Variants in CEP350 observed in about 807,000 individuals in gnomAD.
CEP350 encodes centrosome-associated protein 350.
CEP350 carries 126 observed loss-of-function variants against 331.8 expected under a neutral mutation model. That is an observed-to-expected ratio of 0.38 (90% CI 0.33 to 0.44). The LOEUF (loss-of-function observed/expected upper bound fraction) is 0.44. Ranked by LOEUF, CEP350 falls within the 20% of genes least tolerant of loss-of-function variation. The probability of loss-of-function intolerance (pLI) is 1.00; values close to 1 mark genes in which losing one functional copy is unlikely to be tolerated. For missense variants in CEP350, 3,406 were observed against 3,634.6 expected (o/e 0.94, Z 1.62); for synonymous variants, 1,200 against 1,259.5 (o/e 0.95, Z 1.00).
intron 37 of CEP350, among the ~76,000 whole-genome samples, chr1:180,101,591 C>T (rs1371222612): frequency 1.3e-5 from 2 of 152,080 alleles, no homozygotes; most frequent in Admixed American, 6.6e-5. Context: ...GCTGGGTATC[C>T]TCTGAATCAG....
chr1:180,056,465 T>TC (rs58710356), intron 25 of CEP350, among the ~76,000 whole-genome samples: 2,169 of 34,160 alleles, frequency 0.063, 84 homozygotes, highest in African/African-American at 0.13. Context: ...CTTCTGCCCC[T>TC]CCCCCCCCCC....
At chr1:179,978,300 A>G (rs137939279) in intron 1 of CEP350, among the ~76,000 whole-genome samples, 263 of 152,354 alleles carry the variant, frequency 1.7e-3, no homozygotes, top group South Asian at 3.7e-3. Flanking sequence ...TCATGGGGCA[A>G]TAGTGATGTT....
At chr1:180,073,789 C>T in intron 27 of CEP350, 1 of 1,303,956 alleles carries the variant, frequency 7.7e-7, no homozygotes, top group Non-Finnish European at 1.0e-6. Context: ...TTTGTAGACA[C>T]TGCTCTCCTG....
intron 30 of CEP350, among the ~76,000 whole-genome samples, chr1:180,083,344 A>T (rs768440160): frequency 2.0e-5 from 3 of 152,226 alleles, no homozygotes; most frequent in African/African-American, 4.8e-5. Flanking sequence ...ATGACACATT[A>T]TAATGAAATA....
chr1:180,017,937 C>T (rs901745925), intron 11 of CEP350, among the ~76,000 whole-genome samples: 1 of 152,132 alleles, frequency 6.6e-6, no homozygotes, highest in African/African-American at 2.4e-5. Context: ...TTTGTGATGT[C>T]TTATTTTAGC....
rs550091172 is a variant in CEP350, at chr1:180,114,098, C to T, written c.*2937C>T. On this transcript the variant is annotated 3_prime_UTR_variant, in exon 38 of 38. Transcript: ENST00000367607. The stretch of plus-strand genomic sequence containing the variant: ...GAAAAGAAAATTCCTTCTGTGACTA[C>T]AGGTCTCTGAGAAATTATCTTTCAA... The T allele has an allele frequency of 3.3e-5, 5 of 152,634 alleles. No homozygotes were observed. Among genetic ancestry groups the T allele is most frequent in the South Asian group, 4.2e-4 (2 of 4,816 alleles). 9.5% of individuals were successfully genotyped at this position (152,634 alleles called of 1,614,324 possible). A position where few individuals can be genotyped will look rare whatever the true frequency, so the allele number is the denominator to read the frequency against.
In CEP350 at chr1:180,074,983, G is replaced by A; in HGVS notation, c.5568-39G>A. ...CTCTCAAAGTGATCTCTGCATATAG[G>A]TTTTTTCTCTCAAACTGTTCTTCAT... On this transcript the variant is annotated intron_variant, in intron 27 of 37. Transcript: ENST00000367607. 2 of 1,549,584 alleles carry A rather than the reference G, an allele frequency of 1.3e-6. 1 individual carries two copies. The highest frequency in any genetic ancestry group is 2.4e-5 in the South Asian group (2 of 81,840).
intron 30 of CEP350, among the ~76,000 whole-genome samples, chr1:180,081,304 A>G (rs187612703): frequency 6.6e-6 from 1 of 152,278 alleles, no homozygotes; most frequent in East Asian, 1.9e-4. Context: ...TGTGTCAGAC[A>G]ATTATAAATC....
At chr1:179,975,255 A>G (rs1464690452) in intron 1 of CEP350, among the ~76,000 whole-genome samples, 1 of 152,204 alleles carries the variant, frequency 6.6e-6, no homozygotes, top group Non-Finnish European at 1.5e-5. Flanking sequence ...TTTGCTTAAA[A>G]AAAAATAAAA....
At chr1:180,030,213 GTA>G (rs35905506) in intron 14 of CEP350, among the ~76,000 whole-genome samples, 24,093 of 142,768 alleles carry the variant, frequency 0.17, 2,449 homozygotes, top group Non-Finnish European at 0.23. Context: ...TAAATTTTTT[GTA>G]TATATATATA....
intron 31 of CEP350, chr1:180,085,911 T>A (rs1659833363): frequency 6.6e-6 from 1 of 152,250 alleles, no homozygotes. Context: ...ATTTTTCATT[T>A]AATCCTCACA....
intron 32 of CEP350, 37 bp from the exon 33 acceptor site, chr1:180,090,675 TAA>T: frequency 6.6e-7 from 1 of 1,506,766 alleles, no homozygotes; most frequent in Non-Finnish European, 8.9e-7. Context: ...GTTATTATAG[TAA>T]TATGTTTATT....
At chr1:180,085,260 T>TA (rs1659799640) in intron 31 of CEP350, among the ~76,000 whole-genome samples, 1 of 152,176 alleles carries the variant, frequency 6.6e-6, no homozygotes, top group African/African-American at 2.4e-5. Flanking sequence ...CCCCAAGCCG[T>TA]AGCAGCCTTT....
At chr1:179,987,107 G>A (rs781669139) in intron 2 of CEP350, 133 bp from the exon 3 acceptor site, 1 of 557,728 alleles carries the variant, frequency 1.8e-6, no homozygotes, top group East Asian at 3.7e-5. Flanking sequence ...AGCATTTGCT[G>A]AGGAATTGTT....
In CEP350 at chr1:180,037,101, G is replaced by GT. The variant is rs749771640; in HGVS notation, c.4110+18dup. ...CTCAGATAATAAAGGTATTTTTGGA[G>GT]TTTTTTAGCTTTCTGTGGTTTTTCT... On this transcript the variant is annotated intron_variant, in intron 17 of 37. Transcript: ENST00000367607. 2.9e-5 allele frequency: 45 copies of GT among 1,547,434 alleles called. No individual in the cohort carries two copies. Among genetic ancestry groups the GT allele is most frequent in the Non-Finnish European group, 3.8e-5 (44 of 1,152,356 alleles).
intron 25 of CEP350, among the ~76,000 whole-genome samples, 173 bp downstream of exon 25, chr1:180,054,675 G>A (rs1237008997): frequency 6.6e-6 from 1 of 152,086 alleles, no homozygotes; most frequent in African/African-American, 2.4e-5. Context: ...GTAATCTACT[G>A]TATTTCTCCT....
chr1:180,083,939 C>T, intron 30 of CEP350, 79 bp from the exon 31 acceptor site: 1 of 657,532 alleles, frequency 1.5e-6, no homozygotes, highest in Non-Finnish European at 2.5e-6. Context: ...TATTACATTA[C>T]AGCTTTTTAT....
chr1:179,997,307 C>T lies in CEP350; in HGVS notation c.1018+132C>T, dbSNP rs557548908. ...TGACTGCATAAGCACTTAGGGAGGC[C>T]GAGGTGGGCGGATCATGAGGTCGGG... On this transcript the variant is annotated intron_variant, in intron 6 of 37. Transcript: ENST00000367607. 5.2e-5 allele frequency: 52 copies of T among 1,000,222 alleles called. No homozygotes were observed. In the South Asian group the frequency reaches 7.2e-4, roughly 14 times the overall value. The allele number at this position is 1,000,222 out of a possible 1,614,324, so 62.0% of individuals were successfully genotyped here. A position where few individuals can be genotyped will look rare whatever the true frequency, so the allele number is the denominator to read the frequency against.
intron 30 of CEP350, among the ~76,000 whole-genome samples, chr1:180,081,843 T>A (rs993516788): frequency 6.6e-6 from 1 of 152,238 alleles, no homozygotes; most frequent in African/African-American, 2.4e-5. Flanking sequence ...TAATAAAAAT[T>A]CTTTTTGTAT....
Sources: allele counts gnomAD v4.1 joint callset (sites outside exome capture counted in the v4.1 genomes callset), GRCh38; gene constraint gnomAD v4.1.1; transcripts MANE v1.5; gene names NCBI Gene and HGNC (gene_info 2026-07-23, HGNC 2026-07-21).